The following MDGA2 variants were observed in gnomAD, a reference collection of about 807,000 sequenced individuals.
MDGA2 encodes the protein MAM domain-containing glycosylphosphatidylinositol anchor protein 2.
Under a neutral mutation model 117.8 loss-of-function variants are expected in MDGA2, and 40 were observed. The ratio of observed to expected loss-of-function variants is 0.34; its 90% CI spans 0.26 to 0.44. MDGA2 has a LOEUF of 0.44. Ranked by LOEUF, MDGA2 falls within the 20% of genes least tolerant of loss-of-function variation. The pLI is 1.00. For synonymous variants in MDGA2, 452 were observed against 439.0 expected (o/e 1.03, Z -0.37); for missense variants, 1,123 against 1,250.6 (o/e 0.90, Z 1.54).
chr14:47,470,560 G>C (rs932652511), intron 1 of MDGA2, among the ~76,000 whole-genome samples: 4 of 152,092 alleles, frequency 2.6e-5, no homozygotes, highest in African/African-American at 9.7e-5. Flanking sequence ...ATTGTGAATA[G>C]TGCCACAATA....
intron 2 of MDGA2, among the ~76,000 whole-genome samples, chr14:47,228,398 G>T (rs1283154329): frequency 8.2e-6 from 1 of 121,298 alleles, no homozygotes. Context: ...ACTTTATGAT[G>T]GTGTGAAAAC....
chr14:47,294,976 T>C (rs1192908118), intron 2 of MDGA2, among the ~76,000 whole-genome samples: 1 of 152,206 alleles, frequency 6.6e-6, no homozygotes, highest in Non-Finnish European at 1.5e-5. Context: ...ACAATTCTAT[T>C]ATAAAATTGA....
intron 5 of MDGA2, 149 bp downstream of exon 5, chr14:47,131,565 C>G (rs1882204731): frequency 1.9e-6 from 1 of 513,912 alleles, no homozygotes. Context: ...ATGTATGAAG[C>G]TTTTCAGATA....
At chr14:47,392,835 A>G (rs1261762996) in intron 1 of MDGA2, among the ~76,000 whole-genome samples, 1 of 152,152 alleles carries the variant, frequency 6.6e-6, no homozygotes, top group Non-Finnish European at 1.5e-5. Flanking sequence ...TAAGTCTGTT[A>G]TTGCCTAAAT....
At chr14:47,476,094 G>C (rs766181456) in intron 1 of MDGA2, among the ~76,000 whole-genome samples, 8 of 152,010 alleles carry the variant, frequency 5.3e-5, no homozygotes, top group Non-Finnish European at 1.2e-4. Flanking sequence ...TAGCTAAAAA[G>C]CATATATAAA....
In MDGA2 at chr14:47,238,413, G is replaced by A. The variant is rs751699021; in HGVS notation, c.421-20218C>T. ...CACCTCCCTTCTATGACATGCTGCT[G>A]TCTTTCTTTAGAATATTCTGGGTAA... On this transcript the variant is annotated intron_variant, in intron 2 of 16. Coordinates refer to ENST00000399232, the MANE Select transcript of MDGA2 (RefSeq NM_001113498.3). Among the ~76,000 whole-genome samples the A allele has an allele frequency of 2.0e-5, 3 of 151,660 alleles. No individual in the cohort carries two copies. The East Asian group carries it at 5.8e-4, about 29-fold the overall frequency.
At chr14:47,377,979 C>A (rs1345192840) in intron 1 of MDGA2, among the ~76,000 whole-genome samples, 1 of 152,208 alleles carries the variant, frequency 6.6e-6, no homozygotes, top group Non-Finnish European at 1.5e-5. Flanking sequence ...CAACTGACAT[C>A]TCATACAGCT....
At chr14:47,537,592 A>C (rs1352724716) in intron 1 of MDGA2, among the ~76,000 whole-genome samples, 1 of 133,370 alleles carries the variant, frequency 7.5e-6, no homozygotes, top group African/African-American at 3.5e-5. Flanking sequence ...AAAAAAAAAA[A>C]AAAAAAAAAA....
intron 3 of MDGA2, among the ~76,000 whole-genome samples, chr14:47,202,191 C>T (rs780843724): frequency 2.6e-5 from 4 of 152,062 alleles, no homozygotes; most frequent in Non-Finnish European, 5.9e-5. Context: ...GGGCTTAACA[C>T]TTTTGGGGGC....
chr14:46,882,009 T>C (rs756401801), intron 11 of MDGA2, 35 bp downstream of exon 11: 1 of 1,406,102 alleles, frequency 7.1e-7, no homozygotes, highest in Non-Finnish European at 9.4e-7. Context: ...TAGTTAAATA[T>C]ATAAATAAAT....
chr14:47,018,537 A>T (rs1442665479), intron 8 of MDGA2, among the ~76,000 whole-genome samples: 1 of 151,958 alleles, frequency 6.6e-6, no homozygotes, highest in Non-Finnish European at 1.5e-5. Context: ...TTATAAAAAG[A>T]TTATGTCTAA....
At chr14:47,651,176 G>C (rs928388399) in intron 1 of MDGA2, among the ~76,000 whole-genome samples, 12 of 151,508 alleles carry the variant, frequency 7.9e-5, no homozygotes, top group African/African-American at 2.9e-4. Flanking sequence ...AGAACCTGTA[G>C]ATGACCTTAA....
intron 8 of MDGA2, among the ~76,000 whole-genome samples, chr14:46,960,935 TGC>T (rs200687069): frequency 3.0e-4 from 42 of 140,084 alleles, no homozygotes; most frequent in African/African-American, 8.1e-4. Flanking sequence ...TATATGTGTA[TGC>T]GTATATATAT....
intron 1 of MDGA2, among the ~76,000 whole-genome samples, chr14:47,306,470 C>CG (rs1198410507): frequency 6.6e-6 from 1 of 152,034 alleles, no homozygotes; most frequent in Non-Finnish European, 1.5e-5. Context: ...TCCTGAAAAA[C>CG]GTGCTGCTAA....
intron 8 of MDGA2, among the ~76,000 whole-genome samples, chr14:46,979,292 A>G (rs151046799): frequency 1.3e-5 from 2 of 152,002 alleles, no homozygotes; most frequent in African/African-American, 4.8e-5. Flanking sequence ...CGTCTCTCAT[A>G]TTCTCCTTCT....
intron 9 of MDGA2, among the ~76,000 whole-genome samples, chr14:46,927,907 A>T (rs993630986): frequency 1.3e-5 from 2 of 152,162 alleles, no homozygotes; most frequent in African/African-American, 4.8e-5. Flanking sequence ...AGCACTCAAG[A>T]GCTTCCTAAG....
intron 1 of MDGA2, among the ~76,000 whole-genome samples, chr14:47,554,015 C>T (rs914307646): frequency 5.3e-5 from 8 of 152,138 alleles, no homozygotes; most frequent in Non-Finnish European, 7.4e-5. Context: ...GTCCACCCCC[C>T]GTTATCATTT....
intron 1 of MDGA2, among the ~76,000 whole-genome samples, chr14:47,456,119 G>C (rs893475748): frequency 9.5e-4 from 144 of 152,214 alleles, no homozygotes; most frequent in African/African-American, 3.3e-3. Context: ...AACAAGCATT[G>C]TAAGTGAAAG....
rs964000155 is a variant in MDGA2, at chr14:47,239,075, G to A, written c.421-20880C>T. Among the ~76,000 whole-genome samples the A allele has an allele frequency of 2.6e-5, 4 of 151,394 alleles. 1 individual carries two copies. The highest frequency in any genetic ancestry group is 4.2e-4 in the South Asian group (2 of 4,796). ...AGTTGTTCTCAGATAACTATCAAAC[G>A]TAAATTATCTTCCACAAATTTGAGT... is the stretch of plus-strand genomic sequence containing the variant. On this transcript the variant is annotated intron_variant, in intron 2 of 16. Transcript: ENST00000399232.
Sources: allele counts gnomAD v4.1 joint callset (sites outside exome capture counted in the v4.1 genomes callset), GRCh38; gene constraint gnomAD v4.1.1; transcripts MANE v1.5; gene names NCBI Gene and HGNC (gene_info 2026-07-23, HGNC 2026-07-21).